Variants in FTO observed in about 807,000 individuals in gnomAD.
FTO encodes FTO alpha-ketoglutarate dependent dioxygenase.
FTO carries 47 observed loss-of-function variants against 63.9 expected under a neutral mutation model. That is an observed-to-expected ratio of 0.74 (90% CI 0.58 to 0.94). The LOEUF is 0.94. Ranked by LOEUF, FTO falls within the 40% of genes least tolerant of loss-of-function variation. FTO has a pLI of 0.00. For synonymous variants in FTO, 207 were observed against 224.4 expected (o/e 0.92, Z 0.69); for missense variants, 562 against 618.1 (o/e 0.91, Z 0.96).
chr16:54,023,791 G>A (rs2084653768), intron 8 of FTO, among the ~76,000 whole-genome samples: 1 of 152,068 alleles, frequency 6.6e-6, no homozygotes. Flanking sequence ...GGGGGAGTGG[G>A]ACTTCACCAT....
At chr16:54,024,197 C>CA (rs1434288774) in intron 8 of FTO, among the ~76,000 whole-genome samples, 3 of 151,582 alleles carry the variant, frequency 2.0e-5, no homozygotes, top group Non-Finnish European at 2.9e-5. Flanking sequence ...TATACATTAC[C>CA]AAAAAAATGT....
intron 4 of FTO, among the ~76,000 whole-genome samples, chr16:53,850,995 A>G (rs1482728056): frequency 6.6e-6 from 1 of 152,206 alleles, no homozygotes; most frequent in Non-Finnish European, 1.5e-5. Flanking sequence ...TTTTAAAAAA[A>G]GAAACTAAAG....
chr16:53,906,137 C>T (rs1567420753), intron 7 of FTO, among the ~76,000 whole-genome samples: 1 of 152,196 alleles, frequency 6.6e-6, no homozygotes, highest in Non-Finnish European at 1.5e-5. Flanking sequence ...GTAGCCATAG[C>T]TCTCGATCTT....
chr16:53,977,229 T>C (rs748392810), intron 8 of FTO, among the ~76,000 whole-genome samples: 2 of 152,168 alleles, frequency 1.3e-5, no homozygotes, highest in Non-Finnish European at 2.9e-5. Context: ...GGGAGGAGGT[T>C]ATCTACTGAG....
chr16:53,755,191 A>T (rs562512898), intron 1 of FTO, among the ~76,000 whole-genome samples: 3 of 152,312 alleles, frequency 2.0e-5, no homozygotes, highest in Admixed American at 2.0e-4. Context: ...TCCCGCTCTC[A>T]TCCCTGTCAC....
intron 3 of FTO, among the ~76,000 whole-genome samples, chr16:53,840,640 T>G (rs928543828): frequency 2.0e-5 from 3 of 152,200 alleles, no homozygotes; most frequent in African/African-American, 7.2e-5. Context: ...TGTGTTCTAG[T>G]TAAACTTTAT....
At chr16:53,762,896 T>C (rs986145249) in intron 1 of FTO, among the ~76,000 whole-genome samples, 1 of 152,190 alleles carries the variant, frequency 6.6e-6, no homozygotes, top group African/African-American at 2.4e-5. Context: ...TTAATCAATA[T>C]CTCATGATTT....
intron 8 of FTO, among the ~76,000 whole-genome samples, chr16:53,976,448 A>T (rs2083439747): frequency 7.0e-6 from 1 of 143,772 alleles, no homozygotes; most frequent in Admixed American, 7.3e-5. Context: ...GCAGAAATTT[A>T]TGTGTCAGGT....
chr16:53,951,034 A>G (rs1201688111), intron 8 of FTO, among the ~76,000 whole-genome samples: 2 of 152,240 alleles, frequency 1.3e-5, no homozygotes, highest in Non-Finnish European at 2.9e-5. Flanking sequence ...GTCCCGTTCT[A>G]TATAGTGATA....
chr16:54,038,078 T>G (rs540552355), intron 8 of FTO, among the ~76,000 whole-genome samples: 1 of 152,344 alleles, frequency 6.6e-6, no homozygotes, highest in Non-Finnish European at 1.5e-5. Flanking sequence ...AGCTGGAACC[T>G]TTATTCCGGC....
At chr16:54,017,804 C>G (rs552316361) in intron 8 of FTO, among the ~76,000 whole-genome samples, 2 of 152,240 alleles carry the variant, frequency 1.3e-5, no homozygotes, top group African/African-American at 4.8e-5. Flanking sequence ...CAAGTCTTTT[C>G]CCCAGGCTAG....
intron 7 of FTO, among the ~76,000 whole-genome samples, chr16:53,891,165 A>AT (rs1234043963): frequency 6.6e-6 from 1 of 151,102 alleles, no homozygotes; most frequent in African/African-American, 2.4e-5. Flanking sequence ...TAATTTTGGT[A>AT]TTTTTTAGTA....
chr16:53,895,051 G>A (rs1207168426), intron 7 of FTO, among the ~76,000 whole-genome samples: 5 of 152,058 alleles, frequency 3.3e-5, no homozygotes, highest in East Asian at 1.9e-4. Flanking sequence ...TATCTTAAAG[G>A]TGTTCAGGGA....
At chr16:54,089,162 G>A (rs2086320331) in intron 8 of FTO, among the ~76,000 whole-genome samples, 1 of 152,230 alleles carries the variant, frequency 6.6e-6, no homozygotes, top group African/African-American at 2.4e-5. Flanking sequence ...AGTGGAAGAA[G>A]TAAGTCACCT....
chr16:53,802,305 T>C (rs1282983952), intron 1 of FTO, among the ~76,000 whole-genome samples: 1 of 152,212 alleles, frequency 6.6e-6, no homozygotes. Flanking sequence ...AGTTGTTATA[T>C]TTCATTGTTT....
chr16:54,111,291 C>A (rs1367709388), intron 8 of FTO, among the ~76,000 whole-genome samples: 1 of 152,152 alleles, frequency 6.6e-6, no homozygotes, highest in East Asian at 1.9e-4. Flanking sequence ...TCCAGGATCT[C>A]CAAAGTCAAT....
chr16:53,883,095 T>C (rs2080883872), intron 6 of FTO, among the ~76,000 whole-genome samples: 1 of 152,190 alleles, frequency 6.6e-6, no homozygotes, highest in Non-Finnish European at 1.5e-5. Flanking sequence ...TTTCTCCATA[T>C]TTATAGTATA....
intron 1 of FTO, among the ~76,000 whole-genome samples, chr16:53,710,774 T>A (rs1028766907): frequency 2.6e-5 from 4 of 152,202 alleles, no homozygotes; most frequent in African/African-American, 9.7e-5. Flanking sequence ...AACTTAAGTA[T>A]CTGGTAACAG....
At chr16:53,956,459 TGGA>T (rs796552838) in intron 8 of FTO, among the ~76,000 whole-genome samples, 15 of 152,138 alleles carry the variant, frequency 9.9e-5, no homozygotes, top group African/African-American at 3.6e-4. Flanking sequence ...ATCTAGTCAC[TGGA>T]GGAGAAGAGG....
Sources: allele counts gnomAD v4.1 joint callset (sites outside exome capture counted in the v4.1 genomes callset), GRCh38; gene constraint gnomAD v4.1.1; transcripts MANE v1.5; gene names NCBI Gene and HGNC (gene_info 2026-07-23, HGNC 2026-07-21).